Variants in GDF9 observed in about 807,000 individuals in gnomAD.
The protein encoded by GDF9 is growth differentiation factor 9.
GDF9 carries 30 observed loss-of-function variants against 33.8 expected under a neutral mutation model. The observed-to-expected ratio is 0.89, with a 90% confidence interval of 0.66 to 1.20. GDF9 has a LOEUF of 1.20. Ranked by LOEUF, GDF9 falls within the 50% of genes most tolerant of loss-of-function variation. GDF9 has a pLI of 0.00. For synonymous variants in GDF9, 205 were observed against 200.7 expected (o/e 1.02, Z -0.18); for missense variants, 556 against 543.7 (o/e 1.02, Z -0.22).
chr5:132,862,211 G>C lies in GDF9; in HGVS notation c.743C>G (p.Ser248Ter). The C allele has an allele frequency of 6.2e-7, 1 of 1,613,900 alleles. No individual in the cohort carries two copies. Among genetic ancestry groups the C allele is most frequent in the East Asian group, 2.2e-5 (1 of 44,892 alleles). Residue 248 changes from serine (S) to a stop codon, truncating the protein, a stop_gained, in exon 2 of 2, where the codon TCA becomes TGA. Coordinates refer to ENST00000687138, the MANE Select transcript of GDF9 (RefSeq NM_005260.7). LOFTEE classifies it high-confidence loss of function. ...TCMKDQLEHP[S>*]AQNGLFNMTL... ...CATGTTAAACAAACCATTCTGTGCT[G>C]AAGGATGCTCCAGCTGGTCTTTCAT...
chr5:132,862,657 T>A, intron 1 of GDF9, 101 bp from the exon 2 acceptor site: 1 of 879,400 alleles, frequency 1.1e-6, no homozygotes, highest in African/African-American at 1.7e-5. Flanking sequence ...TTCTCCCTTC[T>A]CTTTTCCCCA....
chr5:132,864,970 A>C lies in GDF9; in HGVS notation c.-437T>G, dbSNP rs1759513156. The C allele has an allele frequency of 5.3e-6, 1 of 186,972 alleles. No individual in the cohort carries two copies. The highest frequency in any genetic ancestry group is 1.0e-4 in the South Asian group (1 of 9,540). The allele number at this position is 186,972 out of a possible 1,614,324, so 11.6% of individuals were successfully genotyped here. ...ATGTGGAAAAGCTAACCAATTATTC[A>C]TGACGATACTCAGATCTGCTGGTAT... On this transcript the variant is annotated 5_prime_UTR_variant, in exon 1 of 2. An upstream start codon of the reference 5' UTR is lost. Transcript: ENST00000687138.
chr5:132,862,834 A>G (rs765783287), intron 1 of GDF9, among the ~76,000 whole-genome samples: 10 of 152,066 alleles, frequency 6.6e-5, no homozygotes, highest in African/African-American at 9.7e-5. Context: ...TTTCATTTTT[A>G]TTTTTTATTT....
In GDF9 at chr5:132,861,583, C is replaced by G. The variant is rs1475592077; in HGVS notation, c.*6G>C. On this transcript the variant is annotated 3_prime_UTR_variant, in exon 2 of 2. Transcript: ENST00000687138. ...AATAGGCTCAAGGTTTTAAGAGGAC[C>G]ATTTGTTAACGACAGGTGCACTTTG... is the stretch of plus-strand genomic sequence containing the variant. The G allele has an allele frequency of 1.1e-5, 18 of 1,613,046 alleles. No individual in the cohort carries two copies. Among genetic ancestry groups the G allele is most frequent in the Non-Finnish European group, 1.4e-5 (17 of 1,179,146 alleles).
chr5:132,865,791 C>T lies in GDF9; in HGVS notation c.-1258G>A, dbSNP rs1027606536. ...AAAACACTGACAAGACACCTCAGGG[C>T]GAGCTGTACATTGACAACAGCATCG... is the stretch of plus-strand genomic sequence containing the variant. On this transcript the variant is annotated 5_prime_UTR_variant, in exon 1 of 2. Coordinates refer to ENST00000687138, the MANE Select transcript of GDF9 (RefSeq NM_005260.7). Among the ~76,000 whole-genome samples the T allele has an allele frequency of 6.6e-6, 1 of 152,114 alleles. No homozygotes were observed. The highest frequency in any genetic ancestry group is 1.5e-5 in the Non-Finnish European group (1 of 68,036).
rs1759227654 is a variant in GDF9, at chr5:132,861,600, T to C, written c.1354A>G (p.Thr452Ala). The change falls in exon 2 of 2, where the codon ACC (threonine) becomes GCC (alanine). Residue 452 changes from threonine (T) to alanine (A), a missense_variant. Thr to Ala is a moderately conservative substitution (Grantham distance 58, BLOSUM62 0). Transcript: ENST00000687138. The part of the protein sequence containing the change: ...EYEDMIATKC[T>A]CR ...AAGAGGACCATTTGTTAACGACAGG[T>C]GCACTTTGTAGCTATCATATCTTCG... 6.2e-7 allele frequency: 1 copy of C among 1,613,698 alleles called. No individual in the cohort carries two copies. Among genetic ancestry groups the C allele is most frequent in the Admixed American group, 1.7e-5 (1 of 60,012 alleles).
rs779771476 is a variant in GDF9, at chr5:132,862,093, A to T, written c.861T>A (p.Pro287=). ...TTCTCTCCTGGTCAGGACCCTGGGAAGGCCTCCTTTTATAGTGAAGGGAAT... is the reference window on the plus strand; with the variant it reads ...TTCTCTCCTGGTCAGGACCCTGGGATGGCCTCCTTTTATAGTGAAGGGAAT... The part of the protein sequence containing the change: ...SWYSLHYKRR[P]SQGPDQERSL... The change falls in exon 2 of 2, where the codon CCT becomes CCA. Residue 287 remains proline (P), a synonymous_variant. Transcript: ENST00000687138. 5.0e-6 allele frequency: 8 copies of T among 1,613,900 alleles called. No homozygotes were observed. In the Admixed American group the frequency reaches 1.3e-4, roughly 27 times the overall value.
In GDF9 at chr5:132,862,571, AATC is replaced by A; in HGVS notation, c.398-18_398-16del. The A allele has an allele frequency of 6.3e-7, 1 of 1,597,320 alleles. No homozygotes were observed. Among genetic ancestry groups the A allele is most frequent in the Non-Finnish European group, 8.5e-7 (1 of 1,175,198 alleles). ...TGGAAGGATTCCTAAGAAGAAAAAAAATCTACCAGTAGTGCTTGAAAATCAGTC... is the reference window on the plus strand; with the variant it reads ...TGGAAGGATTCCTAAGAAGAAAAAAATACCAGTAGTGCTTGAAAATCAGTC... On this transcript the variant is annotated splice_polypyrimidine_tract_variant and intron_variant, in intron 1 of 1. Coordinates refer to ENST00000687138, the MANE Select transcript of GDF9 (RefSeq NM_005260.7).
chr5:132,862,146 T>G lies in GDF9; in HGVS notation c.808A>C (p.Thr270Pro), dbSNP rs771148092. ...SPSLILYLNDTSAQAYHSWYS... is the reference protein window; with the variant it reads ...SPSLILYLNDPSAQAYHSWYS... ...CAGCTGTGATAAGCCTGAGCACTTG[T>G]GTCATTCAAATATAAGATCAGTGAG... is the stretch of plus-strand genomic sequence containing the variant. Residue 270 changes from threonine to proline, a missense_variant, in exon 2 of 2, where the codon ACA (threonine) becomes CCA (proline). By Grantham distance (38) the Thr-to-Pro change is conservative. Coordinates refer to ENST00000687138, the MANE Select transcript of GDF9 (RefSeq NM_005260.7). 1 of 1,613,218 alleles carries G rather than the reference T, an allele frequency of 6.2e-7. No homozygotes were observed. Among genetic ancestry groups the G allele is most frequent in the Admixed American group, 1.7e-5 (1 of 60,026 alleles).
Position 132,864,174 on chromosome 5 carries a change from A to G in GDF9, c.360T>C (p.Cys120=), listed in dbSNP as rs1277290555. 7 of 1,614,102 alleles carry G rather than the reference A, an allele frequency of 4.3e-6. No homozygotes were observed. Among genetic ancestry groups the G allele is most frequent in the Admixed American group, 1.7e-5 (1 of 60,010 alleles). The change falls in exon 1 of 2, where the codon TGT becomes TGC. Residue 120 remains cysteine (C), a synonymous_variant. Coordinates refer to ENST00000687138, the MANE Select transcript of GDF9 (RefSeq NM_005260.7). ...CTCCAGGAGCCTGCTTGTGCCGGGT[A>G]CAGGGGGTGAAGAGCCGAACAGTGT... is the stretch of plus-strand genomic sequence containing the variant. ...LYNTVRLFTP[C]TRHKQAPGDQ...
rs774616473 is a variant in GDF9, at chr5:132,861,621, C to T, written c.1333G>A (p.Asp445Asn). 2.6e-5 allele frequency: 42 copies of T among 1,612,938 alleles called. No individual in the cohort carries two copies. Among genetic ancestry groups the T allele is most frequent in the Non-Finnish European group, 3.3e-5 (39 of 1,178,966 alleles). ...CAGGTGCACTTTGTAGCTATCATATCTTCGTACTCTTTATAGGCAATTGAG... is the reference window on the plus strand; with the variant it reads ...CAGGTGCACTTTGTAGCTATCATATTTTCGTACTCTTTATAGGCAATTGAG... The part of the protein sequence containing the change: ...DGSIAYKEYE[D>N]MIATKCTCR The change falls in exon 2 of 2, where the codon GAT (aspartate) becomes AAT (asparagine). Residue 445 changes from aspartate (D) to asparagine (N), a missense_variant. Coordinates refer to ENST00000687138, the MANE Select transcript of GDF9 (RefSeq NM_005260.7).
rs376750033 is a variant in GDF9 at position 132,864,123 on chromosome 5, C to G, written c.397+14G>C. The stretch of plus-strand genomic sequence containing the variant: ...TCTTCCCTCCACCCAGTTAACCAAT[C>G]TGCTTTCACATACCTGTTACCTGGT... On this transcript the variant is annotated intron_variant, in intron 1 of 1. Coordinates refer to ENST00000687138, the MANE Select transcript of GDF9 (RefSeq NM_005260.7). 6.2e-6 allele frequency: 10 copies of G among 1,613,844 alleles called. No individual in the cohort carries two copies. In the African/African-American group the frequency reaches 8.0e-5, roughly 13 times the overall value.
rs1221160200 is a variant in GDF9, at chr5:132,861,455, C to A, written c.*134G>T. ...TGATAGATGCCATAGAAGGTACTAA[C>A]CTACACAGGCTCCTCTTTATATAAC... On this transcript the variant is annotated 3_prime_UTR_variant, in exon 2 of 2. Transcript: ENST00000687138. 3.8e-6 allele frequency: 3 copies of A among 789,624 alleles called. No homozygotes were observed. The highest frequency in any genetic ancestry group is 4.9e-5 in the East Asian group (2 of 41,194). The allele number at this position is 789,624 out of a possible 1,614,324, so 48.9% of individuals were successfully genotyped here.
At position 132,865,792 on chromosome 5, in the gene GDF9, G is replaced by A. The variant is rs916539325; in HGVS notation, c.-1259C>T. Reference sequence around the variant, plus strand: ...AAACACTGACAAGACACCTCAGGGCGAGCTGTACATTGACAACAGCATCGT... The same window carrying A: ...AAACACTGACAAGACACCTCAGGGCAAGCTGTACATTGACAACAGCATCGT... On this transcript the variant is annotated 5_prime_UTR_variant, in exon 1 of 2. Coordinates refer to ENST00000687138, the MANE Select transcript of GDF9 (RefSeq NM_005260.7). Among the ~76,000 whole-genome samples, 2 of 151,986 alleles carry A rather than the reference G, an allele frequency of 1.3e-5. No homozygotes were observed. Among genetic ancestry groups the A allele is most frequent in the African/African-American group, 4.8e-5 (2 of 41,348 alleles).
chr5:132,861,788 G>T lies in GDF9; in HGVS notation c.1166C>A (p.Ala389Glu). 1 of 1,612,152 alleles carries T rather than the reference G, an allele frequency of 6.2e-7. No homozygotes were observed. Among genetic ancestry groups the T allele is most frequent in the South Asian group, 1.1e-5 (1 of 91,038 alleles). ...PRYCKGDCPR[A>E]VGHRYGSPVH... Reference sequence around the variant, plus strand: ...TGGAGAGCCATACCGATGTCCAACTGCCCTTGGACAGTCCCCTTTACAGTA... The same window carrying T: ...TGGAGAGCCATACCGATGTCCAACTTCCCTTGGACAGTCCCCTTTACAGTA... Residue 389 changes from alanine (A) to glutamate (E), a missense_variant, in exon 2 of 2, where the codon GCA becomes GAA. Ala to Glu is a moderately radical substitution (Grantham distance 107, BLOSUM62 -1). Coordinates refer to ENST00000687138, the MANE Select transcript of GDF9 (RefSeq NM_005260.7).
Position 132,862,349 on chromosome 5 carries a change from T to C in GDF9, c.605A>G (p.Gln202Arg), listed in dbSNP as rs777572094. Residue 202 changes from glutamine to arginine, a missense_variant, in exon 2 of 2, where the codon CAG (glutamine) becomes CGG (arginine). Physicochemically the swap from Gln to Arg is conservative, Grantham distance 43. Transcript: ENST00000687138. The stretch of plus-strand genomic sequence containing the variant: ...TTTGTGTTTCTTTCCAAATTCAAAC[T>C]GTGAGTTAAAGGTAAATGAGTATGG... ...RAPYSFTFNS[Q>R]FEFGKKHKWI... is the part of the protein sequence containing the mutation. The C allele has an allele frequency of 1.8e-5, 29 of 1,614,094 alleles. No homozygotes were observed. The South Asian group carries it at 2.7e-4, about 15-fold the overall frequency.
rs753991991 is a variant in GDF9, at chr5:132,862,067, CTT to C, written c.885_886del (p.Leu297ValfsTer11). On this transcript the variant is annotated frameshift_variant, in exon 2 of 2. Coordinates refer to ENST00000687138, the MANE Select transcript of GDF9 (RefSeq NM_005260.7). LOFTEE classifies it high-confidence loss of function. ...TTCTCCCACAGGATAGGCAGACAGA[CTT>C]CTCTCCTGGTCAGGACCCTGGGAAG... 6.2e-7 allele frequency: 1 copy of C among 1,614,076 alleles called. No homozygotes were observed. Among genetic ancestry groups the C allele is most frequent in the Admixed American group, 1.7e-5 (1 of 60,028 alleles).
At chr5:132,866,621 T>C, upstream of GDF9, 2 of 562,412 alleles carry the variant, frequency 3.6e-6, no homozygotes, top group Non-Finnish European at 6.4e-6. Flanking sequence ...AAGAGCGGCT[T>C]CCAACCTTGC....
Position 132,862,552 on chromosome 5 carries a change from G to C in GDF9, c.402C>G (p.Ile134Met), listed in dbSNP as rs758936986. 1 of 1,603,820 alleles carries C rather than the reference G, an allele frequency of 6.2e-7. No individual in the cohort carries two copies. Among genetic ancestry groups the C allele is most frequent in the Admixed American group, 1.7e-5 (1 of 59,998 alleles). The change falls in exon 2 of 2, where the codon ATC becomes ATG. Residue 134 changes from isoleucine to methionine, a missense_variant. Ile to Met is a conservative substitution (Grantham distance 10). Transcript: ENST00000687138. ...TAAATAGCAGTTCCACTGATGGAAG[G>C]ATTCCTAAGAAGAAAAAAAATCTAC... ...KQAPGDQVTG[I>M]LPSVELLFNL...
Sources: gnomAD v4.1 joint callset for allele counts (sites outside exome capture counted in the v4.1 genomes callset) on GRCh38, gnomAD v4.1.1 for gene constraint, MANE v1.5 for transcripts, NCBI Gene and HGNC (gene_info 2026-07-23, HGNC 2026-07-21) for gene names.